HEPHL1: variants seen among roughly 807,000 people sequenced by gnomAD.
HEPHL1 encodes ferroxidase HEPHL1.
A neutral mutation model predicts 122.0 loss-of-function variants in HEPHL1; 123 were observed. The ratio of observed to expected loss-of-function variants is 1.01; its 90% CI spans 0.87 to 1.17. HEPHL1 has a LOEUF of 1.17. Among genes scored for constraint, HEPHL1 ranks in the 50% most tolerant of loss-of-function variants. The pLI is 0.00. For missense variants in HEPHL1, 1,452 were observed against 1,430.5 expected (o/e 1.01, Z -0.24); for synonymous variants, 527 against 508.9 (o/e 1.04, Z -0.48).
chr11:94,061,803 C>T (rs1591473725), intron 2 of HEPHL1, among the ~76,000 whole-genome samples: 1 of 152,026 alleles, frequency 6.6e-6, no homozygotes, highest in African/African-American at 2.4e-5. Context: ...ACATTGAAGA[C>T]ATAATTCATT....
intron 1 of HEPHL1, among the ~76,000 whole-genome samples, chr11:94,041,004 TG>T (rs1193887387): frequency 8.5e-6 from 1 of 117,572 alleles, no homozygotes; most frequent in Admixed American, 8.4e-5. Flanking sequence ...CTCCTTAAGC[TG>T]ATAAGCAACT....
At chr11:94,075,062 G>A in intron 8 of HEPHL1, 112 bp from the exon 9 acceptor site, 1 of 819,250 alleles carries the variant, frequency 1.2e-6, no homozygotes, top group Non-Finnish European at 2.0e-6. Context: ...CCACTCTCCT[G>A]GTACAAAATT....
chr11:94,067,705 C>A lies in HEPHL1; in HGVS notation c.1018C>A (p.Pro340Thr), dbSNP rs537253048. 4.7e-5 allele frequency: 76 copies of A among 1,613,680 alleles called. No homozygotes were observed. The Middle Eastern group carries it at 5.0e-4, about 11-fold the overall frequency. The change falls in exon 5 of 20, where the codon CCT (proline) becomes ACT (threonine). Residue 340 changes from proline to threonine, a missense_variant. Physicochemically the swap from Pro to Thr is conservative, Grantham distance 38 (BLOSUM62 -1). Coordinates refer to ENST00000315765, the MANE Select transcript of HEPHL1 (RefSeq NM_001098672.2). The stretch of plus-strand genomic sequence containing the variant: ...TACAACAGAAATGATAGCCGAGAAT[C>A]CTGGGAAGTGGATGATAACCTGCCA... ...FLTTEMIAEN[P>T]GKWMITCQVS...
chr11:94,111,863 A>C lies in HEPHL1; in HGVS notation c.3449A>C (p.Gln1150Pro), dbSNP rs1367646336. 9 of 1,526,344 alleles carry C rather than the reference A, an allele frequency of 5.9e-6. No homozygotes were observed. The highest frequency in any genetic ancestry group is 7.0e-6 in the Non-Finnish European group (8 of 1,139,104). 94.6% of individuals were successfully genotyped at this position (1,526,344 alleles called of 1,614,324 possible). A position where few individuals can be genotyped will look rare whatever the true frequency, so the allele number is the denominator to read the frequency against. ...AMKQTDYQQV[Q>P]SCALPTDAL The stretch of plus-strand genomic sequence containing the variant: ...AAGCAGACAGATTACCAGCAAGTCC[A>C]GTCCTGTGCTCTCCCCACGGATGCT... Residue 1150 changes from glutamine (Q) to proline (P), a missense_variant, in exon 20 of 20, where the codon CAG (glutamine) becomes CCG (proline). Coordinates refer to ENST00000315765, the MANE Select transcript of HEPHL1 (RefSeq NM_001098672.2).
chr11:94,056,821 A>T (rs924215281), intron 2 of HEPHL1, among the ~76,000 whole-genome samples: 1 of 152,128 alleles, frequency 6.6e-6, no homozygotes, highest in Admixed American at 6.6e-5. Flanking sequence ...AGAACCTTTT[A>T]TATTAAGTCA....
intron 2 of HEPHL1, among the ~76,000 whole-genome samples, chr11:94,048,876 T>C (rs945116338): frequency 6.6e-6 from 1 of 152,092 alleles, no homozygotes; most frequent in African/African-American, 2.4e-5. Context: ...ATCCCAGCAC[T>C]TTGGGAGGCC....
chr11:94,084,109 G>A (rs1040117345), intron 10 of HEPHL1, among the ~76,000 whole-genome samples: 4 of 152,050 alleles, frequency 2.6e-5, no homozygotes, highest in African/African-American at 4.8e-5. Context: ...AGGATCACTT[G>A]CATCCAGGAG....
chr11:94,025,152 G>C (rs1012925195), intron 1 of HEPHL1, among the ~76,000 whole-genome samples: 6 of 152,096 alleles, frequency 3.9e-5, no homozygotes. Flanking sequence ...TTTATGCTTG[G>C]TACCTATGCT....
chr11:94,113,296 C>T lies in HEPHL1; in HGVS notation c.*1402C>T, dbSNP rs1194147528. The stretch of plus-strand genomic sequence containing the variant: ...AGATGAGTGATACTGGTATGCCTGC[C>T]TTAGCAGTGGGTAATTTGAATGTCA... On this transcript the variant is annotated 3_prime_UTR_variant, in exon 20 of 20. Transcript: ENST00000315765. The T allele has an allele frequency of 6.6e-6, 1 of 152,188 alleles. No homozygotes were observed. The highest frequency in any genetic ancestry group is 1.9e-4 in the East Asian group (1 of 5,190). 9.4% of individuals were successfully genotyped at this position (152,188 alleles called of 1,614,324 possible).
At chr11:94,108,071 A>AT (rs1000333506) in intron 17 of HEPHL1, among the ~76,000 whole-genome samples, 4 of 151,926 alleles carry the variant, frequency 2.6e-5, no homozygotes, top group African/African-American at 9.7e-5. Context: ...TTTTTATTTC[A>AT]TTTTTTTCCC....
chr11:94,056,259 A>G (rs1945934898), intron 2 of HEPHL1, among the ~76,000 whole-genome samples: 1 of 152,210 alleles, frequency 6.6e-6, no homozygotes, highest in Non-Finnish European at 1.5e-5. Context: ...AAGACACAAT[A>G]CAAACAGCAT....
Position 94,036,577 on chromosome 11 carries a change from ACACT to A in HEPHL1, c.171-9091_171-9088del, listed in dbSNP as rs570855964. Among the ~76,000 whole-genome samples the A allele has an allele frequency of 5.4e-4, 82 of 152,206 alleles. 1 individual carries two copies. Among genetic ancestry groups the A allele is most frequent in the African/African-American group, 2.0e-3 (81 of 41,528 alleles). ...GTCTACCCATCTTAGAATTACCCTG[ACACT>A]CACTGTGGATCTGGAATGAACAAAA... On this transcript the variant is annotated intron_variant, in intron 1 of 19. Coordinates refer to ENST00000315765, the MANE Select transcript of HEPHL1 (RefSeq NM_001098672.2).
intron 1 of HEPHL1, among the ~76,000 whole-genome samples, chr11:94,033,846 C>A (rs1470134260): frequency 6.6e-6 from 1 of 152,120 alleles, no homozygotes; most frequent in Non-Finnish European, 1.5e-5. Flanking sequence ...GCTCACAAAC[C>A]AGAGATGTGC....
intron 1 of HEPHL1, among the ~76,000 whole-genome samples, chr11:94,031,617 A>G (rs944604027): frequency 1.3e-5 from 2 of 152,150 alleles, no homozygotes; most frequent in Non-Finnish European, 2.9e-5. Flanking sequence ...TTTGGATTGG[A>G]AGCTGAACCT....
chr11:94,055,140 G>A (rs892767404), intron 2 of HEPHL1: 19 of 207,784 alleles, frequency 9.1e-5, no homozygotes, highest in Non-Finnish European at 2.0e-5. Context: ...GCTCAATCTG[G>A]CCATCACCTG....
intron 8 of HEPHL1, among the ~76,000 whole-genome samples, chr11:94,074,901 A>G (rs1214715506): frequency 6.6e-6 from 1 of 152,198 alleles, no homozygotes; most frequent in Non-Finnish European, 1.5e-5. Context: ...TGAATGGGCC[A>G]CTATCAGTCT....
chr11:94,088,954 C>A lies in HEPHL1; in HGVS notation c.2280C>A (p.Asp760Glu). The A allele has an allele frequency of 6.2e-7, 1 of 1,613,876 alleles. No homozygotes were observed. The highest frequency in any genetic ancestry group is 1.1e-5 in the South Asian group (1 of 91,066). Residue 760 changes from aspartate to glutamate, a missense_variant, in exon 12 of 20, where the codon GAC becomes GAA. By Grantham distance (45) the Asp-to-Glu change is conservative (BLOSUM62 2). Coordinates refer to ENST00000315765, the MANE Select transcript of HEPHL1 (RefSeq NM_001098672.2). ...GGGAGTTCGAAAAGCAGCACGTGGA[C>A]GCAAGAGGGGAAAGGTACCACAGGC... ...KNWEFEKQHV[D>E]ARGERHGDIF...
At chr11:94,087,261 A>C (rs1196655727) in intron 11 of HEPHL1, among the ~76,000 whole-genome samples, 1 of 152,170 alleles carries the variant, frequency 6.6e-6, no homozygotes, top group Admixed American at 6.6e-5. Context: ...TAGCCAAATC[A>C]TTTTAATTCA....
chr11:94,055,632 A>G, intron 2 of HEPHL1: 1 of 390,438 alleles, frequency 2.6e-6, no homozygotes, highest in Non-Finnish European at 5.1e-6. Flanking sequence ...CACGCTCATC[A>G]TAGTCCTTTC....
Sources: gnomAD v4.1 joint callset for allele counts (sites outside exome capture counted in the v4.1 genomes callset) on GRCh38, gnomAD v4.1.1 for gene constraint, MANE v1.5 for transcripts, NCBI Gene and HGNC (gene_info 2026-07-23, HGNC 2026-07-21) for gene names.